The following GPR63 variants were observed in gnomAD, a reference collection of about 807,000 sequenced individuals.
GPR63 encodes the protein G protein-coupled receptor 63.
Under a neutral mutation model 23.1 loss-of-function variants are expected in GPR63, and 12 were observed. That is an observed-to-expected ratio of 0.52 (90% CI 0.33 to 0.84). GPR63 has a LOEUF of 0.84. GPR63 is among the 40% of genes least tolerant of loss of function. The pLI is 0.02. For synonymous variants in GPR63, 172 were observed against 191.1 expected (o/e 0.90, Z 0.82); for missense variants, 472 against 515.6 (o/e 0.92, Z 0.82).
At chr6:96,814,546 G>A (rs1774116531) in intron 1 of GPR63, among the ~76,000 whole-genome samples, 1 of 152,088 alleles carries the variant, frequency 6.6e-6, no homozygotes, top group Non-Finnish European at 1.5e-5. Flanking sequence ...ACAGCTGGTG[G>A]GAGGACCGTG....
intron 1 of GPR63, among the ~76,000 whole-genome samples, chr6:96,802,802 G>A (rs891861248): frequency 6.6e-6 from 1 of 151,528 alleles, no homozygotes; most frequent in Admixed American, 6.6e-5. Context: ...AAATGGTGTT[G>A]TAGTAACTGA....
rs189072209 is a variant in GPR63 at position 96,823,644 on chromosome 6, G to C, written c.-151+13624C>G. On this transcript the variant is annotated intron_variant, in intron 1 of 1. Transcript: ENST00000229955. ...TATTGTGTTTATAAAGTCTACAGTG[G>C]TGTACATTAATATCCCAGACTTTCA... Among the ~76,000 whole-genome samples, 14 of 152,124 alleles carry C rather than the reference G, an allele frequency of 9.2e-5. No individual in the cohort carries two copies. In the East Asian group the frequency reaches 2.7e-3, roughly 29 times the overall value.
intron 1 of GPR63, among the ~76,000 whole-genome samples, chr6:96,828,795 T>C (rs1388204574): frequency 6.6e-6 from 1 of 152,126 alleles, no homozygotes; most frequent in Non-Finnish European, 1.5e-5. Context: ...TAGATCCAAC[T>C]TTAAAGCCAA....
At chr6:96,836,288 G>A (rs1338535602) in intron 1 of GPR63, among the ~76,000 whole-genome samples, 1 of 152,196 alleles carries the variant, frequency 6.6e-6, no homozygotes, top group African/African-American at 2.4e-5. Flanking sequence ...TAGAATGTCT[G>A]AAGCAGTATC....
chr6:96,832,420 A>G lies in GPR63; in HGVS notation c.-151+4848T>C, dbSNP rs1774609319. Among the ~76,000 whole-genome samples the G allele has an allele frequency of 2.2e-5, 3 of 136,584 alleles. No individual in the cohort carries two copies. In the Admixed American group the frequency reaches 2.4e-4, roughly 11 times the overall value. 89.6% of individuals were successfully genotyped at this position (136,584 alleles called of 152,430 possible). ...GCTGGGACCACAACCACGTGCCACC[A>G]TACCTGACTAACTTTTTTTTTTTTT... On this transcript the variant is annotated intron_variant, in intron 1 of 1. Coordinates refer to ENST00000229955, the MANE Select transcript of GPR63 (RefSeq NM_030784.4).
intron 1 of GPR63, among the ~76,000 whole-genome samples, chr6:96,827,046 TAA>T (rs11461025): frequency 2.4e-5 from 3 of 122,492 alleles, no homozygotes; most frequent in Admixed American, 8.0e-5. Context: ...GAACACAGTC[TAA>T]AAAAAAAAAA....
Position 96,799,450 on chromosome 6 carries a change from C to T in GPR63, c.282G>A (p.Val94=). The T allele has an allele frequency of 6.2e-7, 1 of 1,614,114 alleles. No homozygotes were observed. Among genetic ancestry groups the T allele is most frequent in the Middle Eastern group, 1.6e-4 (1 of 6,062 alleles). The change falls in exon 2 of 2, where the codon GTG becomes GTA. Residue 94 remains valine (V), a synonymous_variant. Coordinates refer to ENST00000229955, the MANE Select transcript of GPR63 (RefSeq NM_030784.4). ...AAACAACCAAGTTCCCAAGAAAAGA[C>T]ACAAACAGAATGAATATCATTATAG... ...LSAIMIFILF[V]SFLGNLVVCL...
Position 96,837,423 on chromosome 6 carries a change from G to T in GPR63, c.-306C>A. The T allele has an allele frequency of 6.5e-6, 1 of 154,130 alleles. No homozygotes were observed. The highest frequency in any genetic ancestry group is 2.4e-5 in the African/African-American group (1 of 41,618). The allele number at this position is 154,130 out of a possible 1,614,324, so 9.5% of individuals were successfully genotyped here. The stretch of plus-strand genomic sequence containing the variant: ...GGAGGAAGGAGGACAACGAAGAGGA[G>T]GTGGTGGCGGCGGCGGCGATACAGG... On this transcript the variant is annotated 5_prime_UTR_variant, in exon 1 of 2. Coordinates refer to ENST00000229955, the MANE Select transcript of GPR63 (RefSeq NM_030784.4).
intron 1 of GPR63, among the ~76,000 whole-genome samples, chr6:96,832,834 A>G (rs1192149642): frequency 6.6e-6 from 1 of 152,174 alleles, no homozygotes; most frequent in Non-Finnish European, 1.5e-5. Flanking sequence ...TAGTAACTAT[A>G]CATGAACTAT....
intron 1 of GPR63, among the ~76,000 whole-genome samples, chr6:96,828,281 G>A (rs530966201): frequency 1.2e-4 from 19 of 152,044 alleles, no homozygotes; most frequent in Non-Finnish European, 2.4e-4. Flanking sequence ...GGGAGAGAGA[G>A]ATCTCTGTAC....
At chr6:96,814,686 G>C (rs866230106) in intron 1 of GPR63, among the ~76,000 whole-genome samples, 1 of 152,106 alleles carries the variant, frequency 6.6e-6, no homozygotes. Flanking sequence ...TGTTAAAAAT[G>C]CTGTCCCTCA....
Position 96,798,628 on chromosome 6 carries a change from C to T in GPR63, c.1104G>A (p.Pro368=), listed in dbSNP as rs139409983. ...TCTTAATCCTCCAGTAGTAGATCAG[C>T]GGATTCAATGCAGACTTGAGGTAGC... is the stretch of plus-strand genomic sequence containing the variant. ...WLCYLKSALN[P]LIYYWRIKKF... is the part of the protein sequence containing the mutation. The change falls in exon 2 of 2, where the codon CCG becomes CCA. Residue 368 remains proline (P), a synonymous_variant. Transcript: ENST00000229955. 1.2e-5 allele frequency: 19 copies of T among 1,614,018 alleles called. No individual in the cohort carries two copies. Among genetic ancestry groups the T allele is most frequent in the Middle Eastern group, 1.6e-4 (1 of 6,084 alleles).
At chr6:96,812,127 G>A (rs1157429618) in intron 1 of GPR63, among the ~76,000 whole-genome samples, 2 of 151,858 alleles carry the variant, frequency 1.3e-5, no homozygotes, top group African/African-American at 4.8e-5. Context: ...TTTTATATAG[G>A]GCACATCATC....
chr6:96,817,458 A>G (rs1474337332), intron 1 of GPR63, among the ~76,000 whole-genome samples: 1 of 152,184 alleles, frequency 6.6e-6, no homozygotes, highest in Non-Finnish European at 1.5e-5. Context: ...TGTCTATGGT[A>G]AATTTGTAGT....
intron 1 of GPR63, among the ~76,000 whole-genome samples, chr6:96,815,702 T>C (rs940080772): frequency 6.6e-6 from 1 of 152,186 alleles, no homozygotes; most frequent in Non-Finnish European, 1.5e-5. Context: ...TCAGGATGTA[T>C]ATGTTAAATG....
intron 1 of GPR63, 105 bp downstream of exon 1, chr6:96,837,163 T>C (rs17742832): frequency 0.28 from 42,818 of 152,190 alleles, 6,077 homozygotes; most frequent in South Asian, 0.31. Context: ...TCCGCCAAAC[T>C]GCTCGCCCTG....
At chr6:96,805,960 T>C (rs747182509) in intron 1 of GPR63, among the ~76,000 whole-genome samples, 3 of 152,214 alleles carry the variant, frequency 2.0e-5, no homozygotes, top group Non-Finnish European at 4.4e-5. Context: ...TCCTGGCATC[T>C]GGTACATGGC....
chr6:96,833,822 T>TG (rs10622815), intron 1 of GPR63, among the ~76,000 whole-genome samples: 1 of 151,324 alleles, frequency 6.6e-6, no homozygotes, highest in African/African-American at 2.4e-5. Flanking sequence ...TGGCTGGGGG[T>TG]TTTTCTAAAT....
At chr6:96,811,260 C>T (rs1774036637) in intron 1 of GPR63, among the ~76,000 whole-genome samples, 1 of 152,234 alleles carries the variant, frequency 6.6e-6, no homozygotes, top group Admixed American at 6.5e-5. Context: ...TAAAACTATT[C>T]TATCCCCTAA....
Sources: gnomAD v4.1 joint callset for allele counts (sites outside exome capture counted in the v4.1 genomes callset) on GRCh38, gnomAD v4.1.1 for gene constraint, MANE v1.5 for transcripts, NCBI Gene and HGNC (gene_info 2026-07-23, HGNC 2026-07-21) for gene names.